Variants in PRH1 observed in about 807,000 individuals in gnomAD.
PRH1 encodes proline rich protein HaeIII subfamily 1, also known as salivary acidic proline-rich phosphoprotein 1/2.
PRH1 carries 7 observed loss-of-function variants against 7.9 expected under a neutral mutation model. The ratio of observed to expected loss-of-function variants is 0.89; its 90% CI spans 0.50 to 1.67. The LOEUF is 1.67. Among genes scored for constraint, PRH1 ranks in the 40% most tolerant of loss-of-function variants. The pLI is 0.00. For missense variants in PRH1, 109 were observed against 223.6 expected (o/e 0.49, Z 3.27); for synonymous variants, 45 against 80.8 (o/e 0.56, Z 2.38).
chr12:11,088,783 T>C lies in PRH1; in HGVS notation n.124-41595A>G, dbSNP rs866692777. 1.6e-4 allele frequency among the ~76,000 whole-genome samples: 19 copies of C among 116,028 alleles called. 2 individuals carry two copies. Among genetic ancestry groups the C allele is most frequent in the African/African-American group, 5.2e-4 (18 of 34,500 alleles). The allele number at this position is 116,028 out of a possible 152,430, so 76.1% of individuals were successfully genotyped here. A position where few individuals can be genotyped will look rare whatever the true frequency, so the allele number is the denominator to read the frequency against. On this transcript the variant is annotated intron_variant and non_coding_transcript_variant, in intron 1 of 4. Transcript: ENST00000541977. ...AAGCTGCTCTGGCCACTGTGCCAGA[T>C]GATCCAGCAGGATTCAAAGATGCTA...
intron 1 of PRH1, among the ~76,000 whole-genome samples, chr12:11,064,873 A>C (rs775198612): frequency 3.4e-4 from 51 of 152,142 alleles, no homozygotes; most frequent in Non-Finnish European, 6.3e-4. Context: ...CAGCCTGTGC[A>C]ACACAGCGAA....
intron 1 of PRH1, among the ~76,000 whole-genome samples, chr12:11,112,038 C>T (rs746328262): frequency 6.6e-6 from 1 of 152,064 alleles, no homozygotes; most frequent in Admixed American, 6.6e-5. Flanking sequence ...TATGCAAATA[C>T]GCTAGAAAAT....
intron 1 of PRH1, among the ~76,000 whole-genome samples, chr12:11,085,436 A>G (rs1310644115): frequency 8.3e-6 from 1 of 119,838 alleles, no homozygotes; most frequent in Non-Finnish European, 2.0e-5. Flanking sequence ...TAAACATACC[A>G]TGTCTGAATT....
chr12:10,931,217 T>C, intron 2 of PRH1: 1 of 1,503,998 alleles, frequency 6.6e-7, no homozygotes, highest in Non-Finnish European at 8.9e-7. Context: ...TGTTCAAATA[T>C]TCTGGGATAA....
chr12:10,884,842 G>C (rs1217482038), upstream of PRH1, among the ~76,000 whole-genome samples: 1 of 152,208 alleles, frequency 6.6e-6, no homozygotes, highest in Non-Finnish European at 1.5e-5. Context: ...CTGGCAGCCT[G>C]CTCAGGCTAC....
chr12:11,134,022 A>G (rs765203763), intron 1 of PRH1: 1 of 1,614,000 alleles, frequency 6.2e-7, no homozygotes, highest in Non-Finnish European at 8.5e-7. Context: ...ACACTATAAA[A>G]AGCTGGATTC....
At chr12:10,910,238 T>G (rs1312851018) in intron 2 of PRH1, among the ~76,000 whole-genome samples, 1 of 152,186 alleles carries the variant, frequency 6.6e-6, no homozygotes, top group East Asian at 1.9e-4. Flanking sequence ...TGTATTCACC[T>G]ACCTATGATA....
chr12:10,970,564 T>C (rs183709895), intron 2 of PRH1, among the ~76,000 whole-genome samples: 1 of 84,326 alleles, frequency 1.2e-5, no homozygotes, highest in Admixed American at 1.1e-4. Flanking sequence ...AGTTTTTTTG[T>C]TTTTTTTTTT....
At chr12:11,109,692 G>T (rs1945531991) in intron 1 of PRH1, among the ~76,000 whole-genome samples, 2 of 152,128 alleles carry the variant, frequency 1.3e-5, no homozygotes, top group Non-Finnish European at 2.9e-5. Flanking sequence ...ACCAAAGGTA[G>T]AAAAATCCAT....
At chr12:11,135,677 A>G (rs1946530131) in intron 1 of PRH1, among the ~76,000 whole-genome samples, 1 of 152,194 alleles carries the variant, frequency 6.6e-6, no homozygotes, top group African/African-American at 2.4e-5. Context: ...AGCCAAAAGA[A>G]AAAATAGATG....
chr12:10,906,705 C>T (rs958527156), intron 2 of PRH1, among the ~76,000 whole-genome samples: 4 of 152,142 alleles, frequency 2.6e-5, no homozygotes, highest in Non-Finnish European at 5.9e-5. Flanking sequence ...CTCTTCACTG[C>T]CACCATGTAA....
intron 1 of PRH1, chr12:11,133,504 T>C: frequency 3.1e-6 from 5 of 1,614,150 alleles, no homozygotes; most frequent in Non-Finnish European, 4.2e-6. Flanking sequence ...TACAAACTGA[T>C]ATGATCATGG....
upstream of PRH1, chr12:10,884,332 C>A: frequency 1.5e-6 from 2 of 1,311,386 alleles, no homozygotes; most frequent in Non-Finnish European, 1.1e-6. Flanking sequence ...GGTGGGCCTC[C>A]TCGCCTCAGA....
chr12:11,126,017 T>C (rs536438521), intron 1 of PRH1, among the ~76,000 whole-genome samples: 1 of 151,448 alleles, frequency 6.6e-6, no homozygotes, highest in Non-Finnish European at 1.5e-5. Flanking sequence ...TTTATATTCA[T>C]TCATTTATTA....
intron 2 of PRH1, chr12:10,938,760 T>A: frequency 6.2e-7 from 1 of 1,613,880 alleles, no homozygotes; most frequent in Non-Finnish European, 8.5e-7. Context: ...TTTATATGGA[T>A]GTTTATCAGT....
intron 1 of PRH1, among the ~76,000 whole-genome samples, chr12:11,008,020 CTTG>C (rs1374940264): frequency 1.3e-5 from 2 of 151,972 alleles, no homozygotes; most frequent in African/African-American, 4.8e-5. Context: ...TATGTCTACC[CTTG>C]TTGTGTCAAG....
In PRH1 at chr12:11,106,036, GT is replaced by G. The variant is rs1364790846; in HGVS notation, n.124-58849del. Among the ~76,000 whole-genome samples the G allele has an allele frequency of 2.3e-5, 2 of 85,734 alleles. 1 individual carries two copies. Among genetic ancestry groups the G allele is most frequent in the Non-Finnish European group, 5.6e-5 (2 of 35,694 alleles). 56.2% of individuals were successfully genotyped at this position (85,734 alleles called of 152,430 possible). On this transcript the variant is annotated intron_variant and non_coding_transcript_variant, in intron 1 of 4. Coordinates refer to the PRH1 transcript ENST00000541977. Reference sequence around the variant, plus strand: ...GCTCACTGCAAGCTCCGCCTCTTGGGTTCATGCCATTCTCCTGCCTCAGCCT... The same window carrying G: ...GCTCACTGCAAGCTCCGCCTCTTGGGTCATGCCATTCTCCTGCCTCAGCCT...
At chr12:10,940,305 T>G (rs1203474515) in intron 2 of PRH1, among the ~76,000 whole-genome samples, 1 of 152,244 alleles carries the variant, frequency 6.6e-6, no homozygotes, top group Non-Finnish European at 1.5e-5. Context: ...CTTTTTACTT[T>G]CAGCATTTAT....
intron 1 of PRH1, among the ~76,000 whole-genome samples, chr12:11,045,170 T>C (rs1488173434): frequency 1.3e-5 from 2 of 151,874 alleles, no homozygotes; most frequent in African/African-American, 2.4e-5. Context: ...ATGGATAGAA[T>C]TGGAGATTAT....
Sources: allele counts gnomAD v4.1 joint callset (sites outside exome capture counted in the v4.1 genomes callset), GRCh38; gene constraint gnomAD v4.1.1; transcripts MANE v1.5; gene names NCBI Gene and HGNC (gene_info 2026-07-23, HGNC 2026-07-21).